The following SEL1L2 variants were observed in gnomAD, a reference collection of about 807,000 sequenced individuals.
The protein encoded by SEL1L2 is protein sel-1 homolog 2.
Under a neutral mutation model 98.8 loss-of-function variants are expected in SEL1L2, and 89 were observed. The ratio of observed to expected loss-of-function variants is 0.90; its 90% CI spans 0.76 to 1.07. SEL1L2 has a LOEUF of 1.07. Ranked by LOEUF, SEL1L2 falls within the 50% of genes least tolerant of loss-of-function variation. The pLI is 0.00. For synonymous variants in SEL1L2, 262 were observed against 278.5 expected (o/e 0.94, Z 0.59); for missense variants, 788 against 812.0 (o/e 0.97, Z 0.36).
At chr20:13,865,107 C>T (rs369467240) in intron 17 of SEL1L2, 60 bp downstream of exon 17, 105 of 1,343,588 alleles carry the variant, frequency 7.8e-5, no homozygotes, top group Admixed American at 1.3e-4. Context: ...CTACAGCAAA[C>T]GTGATGAATA....
At chr20:13,993,796 C>T (rs1230591290), upstream of SEL1L2, among the ~76,000 whole-genome samples, 1 of 152,192 alleles carries the variant, frequency 6.6e-6, no homozygotes, top group Non-Finnish European at 1.5e-5. Flanking sequence ...CTTACCCATC[C>T]TATGAAATGT....
chr20:13,899,480 A>G (rs938944692), intron 5 of SEL1L2, among the ~76,000 whole-genome samples: 1 of 152,224 alleles, frequency 6.6e-6, no homozygotes, highest in Non-Finnish European at 1.5e-5. Flanking sequence ...TACTAAGCAG[A>G]TGGTGCCAGG....
chr20:13,966,643 C>G (rs371638246), intron 1 of SEL1L2, among the ~76,000 whole-genome samples: 29 of 151,944 alleles, frequency 1.9e-4, no homozygotes, highest in African/African-American at 6.5e-4. Context: ...TAGAAATAGT[C>G]ATTTCATATT....
chr20:13,859,582 C>G, intron 17 of SEL1L2, 148 bp from the exon 18 acceptor site: 1 of 634,554 alleles, frequency 1.6e-6, no homozygotes, highest in South Asian at 2.2e-5. Flanking sequence ...ACACTCAGAA[C>G]CCCAGAACTG....
intron 8 of SEL1L2, 105 bp from the exon 9 acceptor site, chr20:13,886,547 A>T: frequency 1.0e-6 from 1 of 984,132 alleles, no homozygotes; most frequent in Non-Finnish European, 1.5e-6. Flanking sequence ...AATTGTGCAG[A>T]AATCTGTTCA....
chr20:13,871,965 C>T lies in SEL1L2; in HGVS notation c.1105-1762G>A, dbSNP rs1220976334. Reference sequence around the variant, plus strand: ...ATGCAGCCGGAGTAACCCTCAGTAACACAGGAATAGCACATAAATAGAGAA... The same window carrying T: ...ATGCAGCCGGAGTAACCCTCAGTAATACAGGAATAGCACATAAATAGAGAA... On this transcript the variant is annotated intron_variant, in intron 12 of 19. Coordinates refer to ENST00000284951, the MANE Select transcript of SEL1L2 (RefSeq NM_025229.2). Among the ~76,000 whole-genome samples the T allele has an allele frequency of 2.8e-4, 42 of 152,150 alleles. 2 individuals are homozygous for T.
At chr20:13,993,008 G>A (rs961413451), upstream of SEL1L2, among the ~76,000 whole-genome samples, 1 of 152,088 alleles carries the variant, frequency 6.6e-6, no homozygotes. Flanking sequence ...TTGGGTGCAC[G>A]TAAGTCAGTC....
At chr20:13,906,391 T>C (rs1483937482) in intron 5 of SEL1L2, among the ~76,000 whole-genome samples, 1 of 152,152 alleles carries the variant, frequency 6.6e-6, no homozygotes, top group East Asian at 1.9e-4. Flanking sequence ...GAAAAAAGAT[T>C]AAGCAATTTT....
intron 8 of SEL1L2, among the ~76,000 whole-genome samples, chr20:13,886,843 G>A (rs950479522): frequency 6.6e-6 from 1 of 151,628 alleles, no homozygotes; most frequent in Non-Finnish European, 1.5e-5. Context: ...AGCCGAGATT[G>A]AGCCACTGTG....
chr20:13,878,614 G>T (rs2046547530), intron 10 of SEL1L2, among the ~76,000 whole-genome samples: 1 of 152,202 alleles, frequency 6.6e-6, no homozygotes, highest in Non-Finnish European at 1.5e-5. Flanking sequence ...ATTTTACATG[G>T]AAGTTTGCTG....
intron 1 of SEL1L2, among the ~76,000 whole-genome samples, chr20:13,983,297 T>C (rs1452929764): frequency 6.6e-6 from 1 of 151,812 alleles, no homozygotes; most frequent in Admixed American, 6.6e-5. Context: ...AATAATTTTA[T>C]ATAGGCAAAA....
intron 10 of SEL1L2, among the ~76,000 whole-genome samples, chr20:13,883,386 T>C (rs1253852652): frequency 6.6e-6 from 1 of 152,208 alleles, no homozygotes; most frequent in East Asian, 1.9e-4. Context: ...TTAGAGGCTG[T>C]TTTTTGTTTT....
intron 1 of SEL1L2, among the ~76,000 whole-genome samples, chr20:13,967,376 C>T (rs2051097610): frequency 6.6e-6 from 1 of 152,094 alleles, no homozygotes; most frequent in African/African-American, 2.4e-5. Flanking sequence ...TTCTTGGTTC[C>T]CCTTACCACA....
chr20:13,934,589 C>G (rs1299735082), intron 2 of SEL1L2, among the ~76,000 whole-genome samples: 1 of 145,562 alleles, frequency 6.9e-6, no homozygotes, highest in Non-Finnish European at 1.5e-5. Flanking sequence ...GTGCAAGTAT[C>G]TTTTTTGTAT....
intron 2 of SEL1L2, among the ~76,000 whole-genome samples, chr20:13,947,383 T>C (rs2050063696): frequency 6.6e-6 from 1 of 152,072 alleles, no homozygotes; most frequent in Non-Finnish European, 1.5e-5. Flanking sequence ...AGCTACCCAC[T>C]CTGAATCTCA....
intron 17 of SEL1L2, among the ~76,000 whole-genome samples, chr20:13,862,986 T>C (rs1990414843): frequency 6.6e-6 from 1 of 152,112 alleles, no homozygotes; most frequent in South Asian, 2.1e-4. Context: ...CATGAACCAC[T>C]GCACCTGGTC....
rs1396902218 is a variant in SEL1L2 at position 13,865,488 on chromosome 20, G to A, written c.1431C>T (p.Gly477=). The A allele has an allele frequency of 6.2e-7, 1 of 1,614,002 alleles. No individual in the cohort carries two copies. Among genetic ancestry groups the A allele is most frequent in the Admixed American group, 1.7e-5 (1 of 60,004 alleles). The change falls in exon 16 of 20, where the codon GGC becomes GGT. Residue 477 remains glycine, a synonymous_variant. Coordinates refer to ENST00000284951, the MANE Select transcript of SEL1L2 (RefSeq NM_025229.2). ...CTGTCAGGAATTTCTCAGCCCAGTG[G>A]CCTAGTTCACAGACACCTTTATAAA... ...VELYKGVCEL[G]HWAEKFLTAY...
At chr20:13,863,773 T>A (rs981673207) in intron 17 of SEL1L2, among the ~76,000 whole-genome samples, 7 of 152,040 alleles carry the variant, frequency 4.6e-5, no homozygotes, top group Non-Finnish European at 1.0e-4. Context: ...AGATCAAGAC[T>A]ATCCTGGTCC....
chr20:13,922,061 TCTTCA>T (rs1312942724), intron 3 of SEL1L2, among the ~76,000 whole-genome samples: 1 of 152,226 alleles, frequency 6.6e-6, no homozygotes, highest in Non-Finnish European at 1.5e-5. Flanking sequence ...TGCTTTTGAT[TCTTCA>T]CTTGTTTCAT....
Sources: gnomAD v4.1 joint callset for allele counts (sites outside exome capture counted in the v4.1 genomes callset) on GRCh38, gnomAD v4.1.1 for gene constraint, MANE v1.5 for transcripts, NCBI Gene and HGNC (gene_info 2026-07-23, HGNC 2026-07-21) for gene names.